HS3ST4: variants seen among roughly 807,000 people sequenced by gnomAD.
HS3ST4 encodes the protein heparan sulfate-glucosamine 3-sulfotransferase 4, also known as heparan sulfate glucosamine 3-O-sulfotransferase 4.
A neutral mutation model predicts 29.2 loss-of-function variants in HS3ST4; 17 were observed. The ratio of observed to expected loss-of-function variants is 0.58; its 90% CI spans 0.40 to 0.87. The LOEUF (loss-of-function observed/expected upper bound fraction) is 0.87. Ranked by LOEUF, HS3ST4 falls within the 40% of genes least tolerant of loss-of-function variation. HS3ST4 has a pLI of 0.00. For missense variants in HS3ST4, 627 were observed against 634.5 expected (o/e 0.99, Z 0.13); for synonymous variants, 314 against 285.7 (o/e 1.10, Z -1.00).
chr16:25,878,359 G>C (rs765926559), intron 1 of HS3ST4, among the ~76,000 whole-genome samples: 1 of 151,910 alleles, frequency 6.6e-6, no homozygotes, highest in East Asian at 1.9e-4. Flanking sequence ...AACCACCAGG[G>C]GTGTAATTCT....
chr16:25,846,130 TC>T (rs1967464029), intron 1 of HS3ST4, among the ~76,000 whole-genome samples: 2 of 152,216 alleles, frequency 1.3e-5, no homozygotes, highest in Non-Finnish European at 1.5e-5. Flanking sequence ...CTTGGCTTTT[TC>T]CTCTTGATCG....
chr16:26,098,492 C>T (rs1898954726), intron 1 of HS3ST4, among the ~76,000 whole-genome samples: 3 of 152,132 alleles, frequency 2.0e-5, no homozygotes. Context: ...GGACAGAAAA[C>T]TGAACACTGC....
intron 1 of HS3ST4, among the ~76,000 whole-genome samples, chr16:25,934,016 CA>C (rs1968491668): frequency 6.6e-6 from 1 of 152,206 alleles, no homozygotes; most frequent in African/African-American, 2.4e-5. Context: ...TGAATATCTT[CA>C]CCTCTATCTT....
intron 1 of HS3ST4, among the ~76,000 whole-genome samples, chr16:26,088,564 A>T (rs1013753012): frequency 2.0e-5 from 3 of 152,198 alleles, no homozygotes; most frequent in Non-Finnish European, 2.9e-5. Flanking sequence ...TGAGAGGCTG[A>T]TAAGTTCACA....
At chr16:25,980,968 C>T (rs1157454383) in intron 1 of HS3ST4, among the ~76,000 whole-genome samples, 4 of 152,096 alleles carry the variant, frequency 2.6e-5, no homozygotes, top group Non-Finnish European at 5.9e-5. Flanking sequence ...TCAGCAGGCT[C>T]TGGGTCATAA....
intron 1 of HS3ST4, among the ~76,000 whole-genome samples, chr16:26,072,600 A>G (rs1393267447): frequency 1.3e-5 from 2 of 152,212 alleles, no homozygotes; most frequent in Non-Finnish European, 2.9e-5. Context: ...AACTCTTTAG[A>G]AATATTTTTC....
rs953167892 is a variant in HS3ST4 at position 25,873,123 on chromosome 16, G to GCTTT, written c.734+179988_734+179991dup. Among the ~76,000 whole-genome samples the GCTTT allele has an allele frequency of 9.2e-5, 14 of 151,928 alleles. No individual in the cohort carries two copies. The East Asian group carries it at 1.5e-3, about 17-fold the overall frequency. On this transcript the variant is annotated intron_variant, in intron 1 of 1. Coordinates refer to ENST00000331351, the MANE Select transcript of HS3ST4 (RefSeq NM_006040.3). ...TGTTCCCATGTAGACCATTGCTTCA[G>GCTTT]CTTTCTTTCTTTCTTTCTTCCATCT... is the stretch of plus-strand genomic sequence containing the variant.
chr16:26,085,946 G>T (rs1004978515), intron 1 of HS3ST4, among the ~76,000 whole-genome samples: 3 of 151,780 alleles, frequency 2.0e-5, no homozygotes, highest in Non-Finnish European at 4.4e-5. Flanking sequence ...CCCAGCCAAG[G>T]TTCAAACCTT....
intron 1 of HS3ST4, among the ~76,000 whole-genome samples, chr16:26,042,352 C>CTGTGTGTG (rs750450804): frequency 1.2e-4 from 17 of 145,946 alleles, no homozygotes; most frequent in African/African-American, 4.2e-4. Context: ...TGGCATTTAT[C>CTGTGTGTG]TCTGTGTGTG....
intron 1 of HS3ST4, among the ~76,000 whole-genome samples, chr16:25,982,083 G>A (rs1481876815): frequency 1.3e-5 from 2 of 152,082 alleles, no homozygotes; most frequent in Non-Finnish European, 1.5e-5. Flanking sequence ...TTCTGTCCAC[G>A]TGCCCAGTGG....
chr16:25,921,566 C>T (rs1968354106), intron 1 of HS3ST4, among the ~76,000 whole-genome samples: 1 of 152,044 alleles, frequency 6.6e-6, no homozygotes. Context: ...CATTACTTTG[C>T]CTTATGGAGA....
At chr16:26,081,443 CTG>C (rs1480171287) in intron 1 of HS3ST4, among the ~76,000 whole-genome samples, 1 of 152,200 alleles carries the variant, frequency 6.6e-6, no homozygotes, top group South Asian at 2.1e-4. Context: ...GCCAGGTACT[CTG>C]TGAGGTGCTG....
intron 1 of HS3ST4, among the ~76,000 whole-genome samples, chr16:25,888,654 G>A (rs977536399): frequency 6.6e-6 from 1 of 152,186 alleles, no homozygotes; most frequent in African/African-American, 2.4e-5. Context: ...CTAGATTTGG[G>A]TTAAATTCCT....
intron 1 of HS3ST4, among the ~76,000 whole-genome samples, chr16:25,774,673 G>A (rs1966845954): frequency 6.6e-6 from 1 of 152,106 alleles, no homozygotes; most frequent in Non-Finnish European, 1.5e-5. Flanking sequence ...ATAATGCAAT[G>A]TGTAGGAAGT....
At chr16:25,791,506 T>C (rs1966869100) in intron 1 of HS3ST4, among the ~76,000 whole-genome samples, 1 of 152,114 alleles carries the variant, frequency 6.6e-6, no homozygotes, top group Non-Finnish European at 1.5e-5. Context: ...TGGGGGACAA[T>C]TGGCATATTT....
At chr16:25,958,252 T>C (rs1446121338) in intron 1 of HS3ST4, among the ~76,000 whole-genome samples, 1 of 152,228 alleles carries the variant, frequency 6.6e-6, no homozygotes, top group Non-Finnish European at 1.5e-5. Context: ...GAAATCACCC[T>C]GAAACTTAGT....
rs1567257053 is a variant in HS3ST4 at position 25,857,911 on chromosome 16, C to CTTTCTTT, written c.734+164760_734+164761insTTTCTTT. On this transcript the variant is annotated intron_variant, in intron 1 of 1. Coordinates refer to ENST00000331351, the MANE Select transcript of HS3ST4 (RefSeq NM_006040.3). ...CTTTCTTTTTCTTTCTTCCTTCCTT[C>CTTTCTTT]CTTCCTTCCTTTCTTTCTTTCTTTC... Among the ~76,000 whole-genome samples the CTTTCTTT allele has an allele frequency of 2.7e-3, 199 of 73,128 alleles. 1 individual carries two copies. Among genetic ancestry groups the CTTTCTTT allele is most frequent in the East Asian group, 7.4e-3 (24 of 3,260 alleles). The allele number at this position is 73,128 out of a possible 152,430, so 48.0% of individuals were successfully genotyped here.
intron 1 of HS3ST4, among the ~76,000 whole-genome samples, chr16:25,757,515 G>A (rs534737947): frequency 6.2e-4 from 94 of 150,936 alleles, no homozygotes; most frequent in Non-Finnish European, 1.0e-3. Flanking sequence ...TTATGTCTCT[G>A]TGTCACATTT....
chr16:26,096,041 CAT>C (rs1898922082), intron 1 of HS3ST4, among the ~76,000 whole-genome samples: 3 of 152,282 alleles, frequency 2.0e-5, no homozygotes, highest in Non-Finnish European at 4.4e-5. Context: ...TTCCTATACA[CAT>C]ACACCCTCCC....
Sources: allele counts gnomAD v4.1 joint callset (sites outside exome capture counted in the v4.1 genomes callset), GRCh38; gene constraint gnomAD v4.1.1; transcripts MANE v1.5; gene names NCBI Gene and HGNC (gene_info 2026-07-23, HGNC 2026-07-21).